Variants in KIF26B observed in about 807,000 individuals in gnomAD.
The protein encoded by KIF26B is kinesin family member 26B.
A neutral mutation model predicts 151.2 loss-of-function variants in KIF26B; 63 were observed. The ratio of observed to expected loss-of-function variants is 0.42; its 90% confidence interval spans 0.34 to 0.51. KIF26B has a LOEUF of 0.51. Among genes scored for constraint, KIF26B ranks in the 20% least tolerant of loss-of-function variants. The pLI, the probability that KIF26B is intolerant of heterozygous loss-of-function variation, is 0.07. For missense variants in KIF26B, 2,813 were observed against 2,913.6 expected, an observed-to-expected ratio of 0.97 and a Z score of 0.79; for synonymous variants, 1,357 against 1,262.1, an observed-to-expected ratio of 1.08 and a Z score of -1.59.
chr1:245,268,530 A>T (rs7513502), intron 2 of KIF26B, among the ~76,000 whole-genome samples: 71,512 of 145,926 alleles, frequency 0.49, 17,877 homozygotes, highest in East Asian at 0.59. Flanking sequence ...TTTTTTTTTT[A>T]AAAATTGGGA....
intron 4 of KIF26B, among the ~76,000 whole-genome samples, chr1:245,432,842 G>A (rs977355539): frequency 2.0e-5 from 3 of 152,194 alleles, no homozygotes; most frequent in African/African-American, 7.2e-5. Context: ...GAATGTAAGG[G>A]GGACTGCCGG....
rs1553332273 is a variant in KIF26B at position 245,184,050 on chromosome 1, G to GTTTTGTTTTTTTTTTTTTTTTTT, written c.465+27371_465+27372insGTTTTTTTTTTTTTTTTTTTTTT. Among the ~76,000 whole-genome samples the GTTTTGTTTTTTTTTTTTTTTTTT allele has an allele frequency of 5.0e-4, 10 of 19,804 alleles. 1 individual carries two copies. Among genetic ancestry groups the GTTTTGTTTTTTTTTTTTTTTTTT allele is most frequent in the Non-Finnish European group, 8.9e-4 (9 of 10,064 alleles). 13.0% of individuals were successfully genotyped at this position (19,804 alleles called of 152,430 possible). A position where few individuals can be genotyped will look rare whatever the true frequency, so the allele number is the denominator to read the frequency against. ...GCAACAGGTATGGGTGGGAGTTGTT[G>GTTTTGTTTTTTTTTTTTTTTTTT]TTTTTTTTTTTTTTTTTTTGAGCTT... On this transcript the variant is annotated intron_variant, in intron 2 of 14. Transcript: ENST00000407071.
At chr1:245,605,857 C>T (rs2043447105) in intron 6 of KIF26B, among the ~76,000 whole-genome samples, 1 of 152,172 alleles carries the variant, frequency 6.6e-6, no homozygotes, top group South Asian at 2.1e-4. Context: ...CCTCTCGCCC[C>T]CGGCCTCTGC....
At chr1:245,598,050 T>C (rs895778898) in intron 5 of KIF26B, among the ~76,000 whole-genome samples, 1 of 152,142 alleles carries the variant, frequency 6.6e-6, no homozygotes, top group Non-Finnish European at 1.5e-5. Flanking sequence ...TCAAGGTTCT[T>C]AGCTTCCTTG....
chr1:245,168,858 A>G (rs966618022), intron 2 of KIF26B, among the ~76,000 whole-genome samples: 2 of 152,332 alleles, frequency 1.3e-5, no homozygotes, highest in Non-Finnish European at 2.9e-5. Context: ...CGCTGAGTCA[A>G]CGAGGCCCAT....
chr1:245,249,215 G>A (rs192920127), intron 2 of KIF26B, among the ~76,000 whole-genome samples: 49 of 151,710 alleles, frequency 3.2e-4, no homozygotes, highest in Admixed American at 2.0e-3. Flanking sequence ...AGGTTCAAGC[G>A]CCTCCTGAGT....
intron 2 of KIF26B, among the ~76,000 whole-genome samples, chr1:245,171,509 A>C (rs1573686193): frequency 1.3e-5 from 2 of 151,998 alleles, no homozygotes; most frequent in Non-Finnish European, 2.9e-5. Context: ...GCGCCATTGC[A>C]CTCCAGCCTA....
intron 12 of KIF26B, among the ~76,000 whole-genome samples, chr1:245,693,349 C>G (rs553445943): frequency 8.5e-5 from 13 of 152,338 alleles, no homozygotes; most frequent in Middle Eastern, 3.4e-3. Flanking sequence ...AAGGCCTGTT[C>G]TGCGCTCGAC....
rs776990595 is a variant in KIF26B at position 245,540,593 on chromosome 1, C to T, written c.1167-174C>T. ...TTGTCGTATAAATGATTGGGTAGCT[C>T]GTTAACTTCACTCTGTTATAGTAAG... On this transcript the variant is annotated intron_variant, in intron 4 of 14. Transcript: ENST00000407071. This position sits in a 1 kb window ranked among gnomAD's most constrained non-coding sequence, Gnocchi z 4.6. The T allele has an allele frequency of 1.1e-5, 8 of 739,098 alleles. No homozygotes were observed. Among genetic ancestry groups the T allele is most frequent in the African/African-American group, 5.2e-5 (3 of 58,162 alleles). The allele number at this position is 739,098 out of a possible 1,614,324, so 45.8% of individuals were successfully genotyped here.
At position 245,699,016 on chromosome 1, in the gene KIF26B, C is replaced by G. The variant is rs776614453; in HGVS notation, c.6157C>G (p.Pro2053Ala). The change falls in exon 14 of 15, where the codon CCC becomes GCC. Residue 2053 changes from proline to alanine, a missense_variant. Around this residue, in one of 3 missense-constraint regions of KIF26B, gnomAD observed 2,060 missense variants for 2,088.6 expected, o/e 0.99. Coordinates refer to ENST00000407071, the MANE Select transcript of KIF26B (RefSeq NM_018012.4). ...EATKQYLMLD[P>A]NKWLSEFDLE... ...GACCAAACAGTATCTGATGCTGGATCCCAACAAGTGGCTCAGTGAATGTAA... is the reference window on the plus strand; with the variant it reads ...GACCAAACAGTATCTGATGCTGGATGCCAACAAGTGGCTCAGTGAATGTAA... 6 of 1,613,734 alleles carry G rather than the reference C, an allele frequency of 3.7e-6. No individual in the cohort carries two copies. Among genetic ancestry groups the G allele is most frequent in the South Asian group, 1.1e-5 (1 of 91,066 alleles).
At chr1:245,478,272 G>A (rs1053561594) in intron 4 of KIF26B, among the ~76,000 whole-genome samples, 1 of 151,798 alleles carries the variant, frequency 6.6e-6, no homozygotes, top group African/African-American at 2.4e-5. Flanking sequence ...ACGTTTGGCT[G>A]TTGTGAGTGA....
chr1:245,249,299 C>G (rs927455777), intron 2 of KIF26B, among the ~76,000 whole-genome samples: 1 of 151,760 alleles, frequency 6.6e-6, no homozygotes, highest in African/African-American at 2.4e-5. Flanking sequence ...CAGGGTTTCA[C>G]TGTGTTAGCT....
chr1:245,574,860 T>C (rs930981497), intron 5 of KIF26B, among the ~76,000 whole-genome samples: 3 of 143,526 alleles, frequency 2.1e-5, no homozygotes, highest in African/African-American at 7.9e-5. Flanking sequence ...TTTCTTTTTT[T>C]TTTCTTTTTT....
In KIF26B at chr1:245,660,267, G is replaced by A. The variant is rs6666256; in HGVS notation, c.2258+13987G>A. The stretch of plus-strand genomic sequence containing the variant: ...ATCACATGGATTTGGCGCTGGTGTC[G>A]TGAGGATCTAAGTACAGGGAAGTTC... On this transcript the variant is annotated intron_variant, in intron 10 of 14. Transcript: ENST00000407071. Among the ~76,000 whole-genome samples the A allele has an allele frequency of 1.9e-4, 12 of 62,136 alleles. 3 individuals are homozygous for A. The highest frequency in any genetic ancestry group is 1.9e-3 in the Admixed American group (11 of 5,748). The allele number at this position is 62,136 out of a possible 152,430, so 40.8% of individuals were successfully genotyped here.
chr1:245,370,405 C>T (rs748673622), intron 3 of KIF26B, among the ~76,000 whole-genome samples: 7 of 150,976 alleles, frequency 4.6e-5, no homozygotes, highest in Non-Finnish European at 1.0e-4. Context: ...ATGACTTTTG[C>T]ACCCACCTAA....
intron 2 of KIF26B, among the ~76,000 whole-genome samples, chr1:245,351,843 G>T (rs1177192887): frequency 1.3e-5 from 2 of 151,766 alleles, no homozygotes; most frequent in Non-Finnish European, 2.9e-5. Context: ...CACCATAAAG[G>T]TTGAGACCAT....
intron 10 of KIF26B, among the ~76,000 whole-genome samples, chr1:245,682,826 G>T (rs552238672): frequency 6.6e-6 from 1 of 152,370 alleles, no homozygotes; most frequent in East Asian, 1.9e-4. Context: ...CAGGAATGGG[G>T]CCTGGCTTCC....
intron 4 of KIF26B, among the ~76,000 whole-genome samples, chr1:245,518,845 T>C (rs746533191): frequency 6.6e-6 from 1 of 152,210 alleles, no homozygotes; most frequent in South Asian, 2.1e-4. Flanking sequence ...TGAAGAATGA[T>C]GTTCTGGGTA....
At chr1:245,443,190 G>C (rs1274466064) in intron 4 of KIF26B, among the ~76,000 whole-genome samples, 1 of 144,824 alleles carries the variant, frequency 6.9e-6, no homozygotes, top group African/African-American at 2.6e-5. Flanking sequence ...CTCCCTCACT[G>C]TTCACCTAGA....
Sources: gnomAD v4.1 joint callset for allele counts (sites outside exome capture counted in the v4.1 genomes callset) on GRCh38, gnomAD v4.1.1 for gene constraint, gnomAD v4.1.1 regional missense constraint, Gnocchi (gnomAD v3.1) non-coding constraint, MANE v1.5 for transcripts, NCBI Gene and HGNC (gene_info 2026-07-23, HGNC 2026-07-21) for gene names.